CNTNAP2: variants seen among roughly 807,000 people sequenced by gnomAD.
CNTNAP2 encodes the protein contactin-associated protein-like 2.
Under a neutral mutation model 155.2 loss-of-function variants are expected in CNTNAP2, and 98 were observed. The ratio of observed to expected loss-of-function variants is 0.63; its 90% confidence interval spans 0.54 to 0.75. The LOEUF (loss-of-function observed/expected upper bound fraction) is 0.75. CNTNAP2 is among the 30% of genes least tolerant of loss of function. The pLI is 0.00. For missense variants in CNTNAP2, 1,727 were observed against 1,688.1 expected, an observed-to-expected ratio of 1.02 and a Z score of -0.40; for synonymous variants, 651 against 631.2, an observed-to-expected ratio of 1.03 and a Z score of -0.47.
At chr7:147,234,282 C>A (rs901607173) in intron 8 of CNTNAP2, among the ~76,000 whole-genome samples, 2 of 148,160 alleles carry the variant, frequency 1.3e-5, no homozygotes, top group Non-Finnish European at 3.0e-5. Context: ...TTCACTAGTT[C>A]TTTCTAATCC....
chr7:148,400,709 C>T lies in CNTNAP2; in HGVS notation c.3716-8682C>T, dbSNP rs540097215. Among the ~76,000 whole-genome samples the T allele has an allele frequency of 4.6e-5, 7 of 152,328 alleles. 1 individual carries two copies. Among genetic ancestry groups the T allele is most frequent in the Middle Eastern group, 6.8e-3 (2 of 294 alleles). ...TATGTAAAGAGTTGTTGGCCAGGCA[C>T]AGTGGCTCACGCCTGTAATCCAAGC... On this transcript the variant is annotated intron_variant, in intron 22 of 23. Coordinates refer to ENST00000361727, the MANE Select transcript of CNTNAP2 (RefSeq NM_014141.6).
chr7:147,742,431 A>G (rs930301134), intron 13 of CNTNAP2, among the ~76,000 whole-genome samples: 1 of 152,140 alleles, frequency 6.6e-6, no homozygotes, highest in Non-Finnish European at 1.5e-5. Context: ...TTAATTCTTA[A>G]CTTTCTCTCC....
At chr7:146,686,856 A>C (rs1800609694) in intron 1 of CNTNAP2, among the ~76,000 whole-genome samples, 3 of 152,182 alleles carry the variant, frequency 2.0e-5, no homozygotes, top group South Asian at 4.1e-4. Context: ...GATTCAGCCA[A>C]TGTTTGTCGT....
chr7:146,412,163 A>G (rs924949045), intron 1 of CNTNAP2, among the ~76,000 whole-genome samples: 7 of 152,084 alleles, frequency 4.6e-5, no homozygotes, highest in Admixed American at 1.3e-4. Context: ...TTTGTATGAG[A>G]ATAGAACAAA....
chr7:147,178,233 T>C (rs62481841), intron 8 of CNTNAP2, among the ~76,000 whole-genome samples: 26,079 of 152,156 alleles, frequency 0.17, 2,265 homozygotes, highest in Non-Finnish European at 0.19. Context: ...GACTGTTTAT[T>C]ATCTGTGGTC....
intron 11 of CNTNAP2, among the ~76,000 whole-genome samples, chr7:147,557,607 G>A (rs1389210511): frequency 6.6e-6 from 1 of 152,106 alleles, no homozygotes; most frequent in Admixed American, 6.6e-5. Flanking sequence ...AGGGCTTAAT[G>A]TGCAAAAATT....
intron 8 of CNTNAP2, among the ~76,000 whole-genome samples, chr7:147,157,871 A>T (rs528011391): frequency 1.3e-5 from 2 of 152,248 alleles, no homozygotes; most frequent in South Asian, 4.1e-4. Context: ...TTAAACTTTA[A>T]TTCAAAGGTT....
chr7:146,130,751 G>T (rs1002569003), intron 1 of CNTNAP2, among the ~76,000 whole-genome samples: 2 of 152,154 alleles, frequency 1.3e-5, no homozygotes, highest in Non-Finnish European at 2.9e-5. Context: ...TCACAGTTCT[G>T]CATGGCTGGG....
intron 1 of CNTNAP2, among the ~76,000 whole-genome samples, chr7:146,465,723 A>G (rs573906514): frequency 1.3e-5 from 2 of 152,290 alleles, no homozygotes; most frequent in Admixed American, 6.5e-5. Flanking sequence ...TCAGAGTACT[A>G]GAGATTGATA....
At chr7:146,690,342 A>G (rs940364664) in intron 1 of CNTNAP2, among the ~76,000 whole-genome samples, 2 of 152,152 alleles carry the variant, frequency 1.3e-5, no homozygotes, top group African/African-American at 4.8e-5. Flanking sequence ...GTGATTGGTC[A>G]CTGCACATGT....
chr7:146,780,255 G>A lies in CNTNAP2; in HGVS notation c.208+5874G>A, dbSNP rs549929078. 1.5e-4 allele frequency among the ~76,000 whole-genome samples: 23 copies of A among 151,804 alleles called. No individual in the cohort carries two copies. The South Asian group carries it at 4.8e-3, about 32-fold the overall frequency. ...GGCTGGAGTGCAGTGGTGCGATCTC[G>A]GCTCACTGCAAGCTCTGCCTCCGAG... On this transcript the variant is annotated intron_variant, in intron 2 of 23. Transcript: ENST00000361727.
chr7:147,199,588 A>G (rs530134642), intron 8 of CNTNAP2, among the ~76,000 whole-genome samples: 1 of 151,956 alleles, frequency 6.6e-6, no homozygotes, highest in Admixed American at 6.6e-5. Flanking sequence ...TTTTGATTGA[A>G]TAGAATGGGT....
intron 1 of CNTNAP2, among the ~76,000 whole-genome samples, chr7:146,662,233 G>A (rs1425357200): frequency 6.6e-6 from 1 of 152,012 alleles, no homozygotes; most frequent in Admixed American, 6.6e-5. Flanking sequence ...CACCTCCCGG[G>A]TTCAAGCGAT....
intron 11 of CNTNAP2, among the ~76,000 whole-genome samples, chr7:147,530,940 C>T (rs997350121): frequency 1.3e-5 from 2 of 152,138 alleles, no homozygotes; most frequent in South Asian, 2.1e-4. Context: ...ACAAATACAG[C>T]GGTTCCAAAG....
chr7:146,362,538 T>C (rs1436224966), intron 1 of CNTNAP2, among the ~76,000 whole-genome samples: 1 of 152,070 alleles, frequency 6.6e-6, no homozygotes, highest in East Asian at 1.9e-4. Flanking sequence ...GCAAGAAATA[T>C]GTTTTCATAT....
At chr7:146,799,466 G>T (rs764224152) in intron 2 of CNTNAP2, among the ~76,000 whole-genome samples, 74 of 152,136 alleles carry the variant, frequency 4.9e-4, no homozygotes, top group Non-Finnish European at 7.6e-4. Flanking sequence ...ATTTTCATCT[G>T]CAGTTTCTTT....
chr7:146,507,825 TATG>T (rs1797407335), intron 1 of CNTNAP2, among the ~76,000 whole-genome samples: 1 of 152,110 alleles, frequency 6.6e-6, no homozygotes, highest in Admixed American at 6.6e-5. Flanking sequence ...CTTTATGACA[TATG>T]GTGGGTTTAT....
At chr7:147,656,113 G>A (rs1795521806) in intron 13 of CNTNAP2, among the ~76,000 whole-genome samples, 1 of 152,160 alleles carries the variant, frequency 6.6e-6, no homozygotes, top group South Asian at 2.1e-4. Flanking sequence ...TCACCTTTCT[G>A]AGCCTTCATA....
At chr7:147,374,448 C>A (rs563327792) in intron 9 of CNTNAP2, among the ~76,000 whole-genome samples, 1 of 152,020 alleles carries the variant, frequency 6.6e-6, no homozygotes, top group Non-Finnish European at 1.5e-5. Flanking sequence ...TATTTGAAAT[C>A]GACACTTGTG....
Sources: allele counts gnomAD v4.1 joint callset (sites outside exome capture counted in the v4.1 genomes callset), GRCh38; gene constraint gnomAD v4.1.1; transcripts MANE v1.5; gene names NCBI Gene and HGNC (gene_info 2026-07-23, HGNC 2026-07-21).